The following EXOC4 variants were observed in gnomAD, a reference collection of about 807,000 sequenced individuals.
EXOC4 encodes the protein SEC8-like 1.
A neutral mutation model predicts 107.2 loss-of-function variants in EXOC4; 71 were observed. That is an observed-to-expected ratio of 0.66 (90% CI 0.55 to 0.81). EXOC4 has a LOEUF of 0.81. Ranked by LOEUF, EXOC4 falls within the 30% of genes least tolerant of loss-of-function variation. The pLI, the probability that EXOC4 is intolerant of heterozygous loss-of-function variation, is 0.00. For missense variants in EXOC4, 1,108 were observed against 1,189.6 expected, an observed-to-expected ratio of 0.93 and a Z score of 1.01; for synonymous variants, 456 against 441.2, an observed-to-expected ratio of 1.03 and a Z score of -0.42.
intron 10 of EXOC4, among the ~76,000 whole-genome samples, chr7:133,746,814 TTCC>T (rs1795686814): frequency 6.6e-6 from 1 of 152,200 alleles, no homozygotes; most frequent in Non-Finnish European, 1.5e-5. Context: ...TTTCTCGTGA[TTCC>T]TCATTCAACT....
chr7:133,462,421 C>T (rs1483189576), intron 7 of EXOC4, among the ~76,000 whole-genome samples: 1 of 152,044 alleles, frequency 6.6e-6, no homozygotes, highest in East Asian at 1.9e-4. Context: ...CATCGTAAGA[C>T]CAAGGGGAAG....
intron 11 of EXOC4, among the ~76,000 whole-genome samples, chr7:133,881,743 C>A (rs1798971401): frequency 6.6e-6 from 1 of 152,150 alleles, no homozygotes; most frequent in African/African-American, 2.4e-5. Context: ...CAAACAACTT[C>A]CTATCCTCTC....
At chr7:134,080,029 C>A in the EXOC4 span, among the ~76,000 whole-genome samples, 3 of 152,152 alleles carry the variant, frequency 2.0e-5, no homozygotes, top group Non-Finnish European at 2.9e-5. Flanking sequence ...ATGCTACCAG[C>A]CCATAGCTTA....
chr7:133,438,443 A>G (rs187278148), intron 7 of EXOC4, among the ~76,000 whole-genome samples: 90 of 152,176 alleles, frequency 5.9e-4, no homozygotes, highest in African/African-American at 2.1e-3. Context: ...TTCGATTTAA[A>G]TATTATGACA....
chr7:133,693,528 A>G (rs1371829621), intron 10 of EXOC4, among the ~76,000 whole-genome samples: 1 of 152,076 alleles, frequency 6.6e-6, no homozygotes, highest in Non-Finnish European at 1.5e-5. Flanking sequence ...CTTCAATCCA[A>G]TCCGGTTGAC....
At chr7:133,910,001 G>C (rs1319146717) in intron 12 of EXOC4, among the ~76,000 whole-genome samples, 4 of 131,742 alleles carry the variant, frequency 3.0e-5, no homozygotes, top group African/African-American at 1.2e-4. Flanking sequence ...TTGGCTCTCT[G>C]CAACCTCTGC....
chr7:133,954,874 C>A (rs1446927206), intron 14 of EXOC4, among the ~76,000 whole-genome samples: 1 of 152,372 alleles, frequency 6.6e-6, no homozygotes, highest in South Asian at 2.1e-4. Context: ...CCAGCATAGG[C>A]ACCAGCTGTC....
At chr7:133,331,673 G>T (rs1795398130) in intron 5 of EXOC4, among the ~76,000 whole-genome samples, 1 of 151,958 alleles carries the variant, frequency 6.6e-6, no homozygotes. Flanking sequence ...CACCGTGTTA[G>T]CCAGGATGGT....
chr7:133,261,157 G>A (rs1215535618), intron 1 of EXOC4, among the ~76,000 whole-genome samples: 1 of 151,478 alleles, frequency 6.6e-6, no homozygotes, highest in Non-Finnish European at 1.5e-5. Context: ...TGGAATATAG[G>A]TATTATAACA....
At chr7:134,059,094 T>C (rs916902714) in intron 17 of EXOC4, among the ~76,000 whole-genome samples, 1 of 152,170 alleles carries the variant, frequency 6.6e-6, no homozygotes, top group African/African-American at 2.4e-5. Flanking sequence ...AAAGCTTTCC[T>C]CAGAGACCTT....
chr7:133,876,221 GGTGTGTGTGTGTGTGT>G (rs10605200), intron 11 of EXOC4, among the ~76,000 whole-genome samples: 2 of 147,192 alleles, frequency 1.4e-5, no homozygotes, highest in East Asian at 2.0e-4. Context: ...AGAATGAAGA[GGTGTGTGTGTGTGTGT>G]GTGTGTGTGT....
intron 7 of EXOC4, among the ~76,000 whole-genome samples, chr7:133,468,073 A>G (rs1324010645): frequency 1.3e-5 from 2 of 152,176 alleles, no homozygotes; most frequent in Non-Finnish European, 2.9e-5. Context: ...AAACATTTGG[A>G]AGCTATTAAA....
chr7:134,056,352 A>G (rs1246506351), intron 17 of EXOC4, among the ~76,000 whole-genome samples: 1 of 152,260 alleles, frequency 6.6e-6, no homozygotes, highest in Non-Finnish European at 1.5e-5. Flanking sequence ...CACAATTATG[A>G]AAGTAAAATG....
chr7:133,729,169 GAAGACCTAAA>G (rs1795275096), intron 10 of EXOC4, among the ~76,000 whole-genome samples: 1 of 152,102 alleles, frequency 6.6e-6, no homozygotes, highest in East Asian at 1.9e-4. Context: ...TTAGTTTCAA[GAAGACCTAAA>G]AAGAACAAAT....
chr7:133,419,964 CTTT>C (rs60203961), intron 7 of EXOC4, among the ~76,000 whole-genome samples: 11 of 134,462 alleles, frequency 8.2e-5, no homozygotes, highest in Admixed American at 7.4e-5. Context: ...TCTGCTTCTT[CTTT>C]TTTTTTTTTT....
chr7:133,485,101 ATAAAT>A (rs1799245607), intron 9 of EXOC4, among the ~76,000 whole-genome samples: 1 of 149,278 alleles, frequency 6.7e-6, no homozygotes, highest in African/African-American at 2.5e-5. Flanking sequence ...AAATAAATAA[ATAAAT>A]AAATAAATAA....
At chr7:134,015,933 G>A (rs574980328) in intron 17 of EXOC4, among the ~76,000 whole-genome samples, 2 of 151,914 alleles carry the variant, frequency 1.3e-5, no homozygotes, top group African/African-American at 2.4e-5. Context: ...GCTTGGTGGT[G>A]GGGGGAGTGG....
At chr7:133,951,158 T>G (rs1014829707) in intron 14 of EXOC4, among the ~76,000 whole-genome samples, 6 of 152,240 alleles carry the variant, frequency 3.9e-5, no homozygotes, top group Admixed American at 6.5e-5. Context: ...TCTTGAATGC[T>G]GTGCCTGGAC....
chr7:133,488,802 C>G (rs1235050102), intron 9 of EXOC4, among the ~76,000 whole-genome samples: 2 of 151,322 alleles, frequency 1.3e-5, no homozygotes, highest in East Asian at 3.9e-4. Flanking sequence ...TACTATGTAG[C>G]AATGAAAATG....
Sources: gnomAD v4.1 joint callset for allele counts (sites outside exome capture counted in the v4.1 genomes callset) on GRCh38, gnomAD v4.1.1 for gene constraint, MANE v1.5 for transcripts, NCBI Gene and HGNC (gene_info 2026-07-23, HGNC 2026-07-21) for gene names.